PBK: variants seen among roughly 807,000 people sequenced by gnomAD.
PBK encodes PDZ binding kinase.
In PBK, 22 loss-of-function variants were observed where a neutral mutation model predicts 33.5. The observed-to-expected ratio is 0.66, with a 90% CI of 0.47 to 0.94. The LOEUF is 0.94. Among genes scored for constraint, PBK ranks in the 40% least tolerant of loss-of-function variants. PBK has a pLI of 0.00. For synonymous variants in PBK, 129 were observed against 123.8 expected, an observed-to-expected ratio of 1.04 and a Z score of -0.28; for missense variants, 376 against 383.4, an observed-to-expected ratio of 0.98 and a Z score of 0.16.
chr8:27,827,763 A>G (rs1585432455), intron 3 of PBK, among the ~76,000 whole-genome samples: 3 of 152,208 alleles, frequency 2.0e-5, no homozygotes, highest in East Asian at 1.9e-4. Context: ...ACATCACCCA[A>G]TACTGGCTTC....
chr8:27,815,988 C>CAAAG (rs1353530587), intron 6 of PBK, among the ~76,000 whole-genome samples: 1 of 152,136 alleles, frequency 6.6e-6, no homozygotes, highest in Non-Finnish European at 1.5e-5. Context: ...TTACTACATT[C>CAAAG]AAAGAGTTTA....
Position 27,824,722 on chromosome 8 carries a change from T to C in PBK, c.153-1517A>G, listed in dbSNP as rs116439748. Among the ~76,000 whole-genome samples, 1,441 of 152,244 alleles carry C rather than the reference T, an allele frequency of 9.5e-3. 26 individuals are homozygous for C. Among genetic ancestry groups the C allele is most frequent in the African/African-American group, 0.032 (1,345 of 41,552 alleles). On this transcript the variant is annotated intron_variant, in intron 3 of 7. Coordinates refer to ENST00000301905, the MANE Select transcript of PBK (RefSeq NM_018492.4). Reference sequence around the variant, plus strand: ...CTGTTTCCCCAGGGAACAGAAAAGGTACTATGAGTCTCATATAACTTTAAT... The same window carrying C: ...CTGTTTCCCCAGGGAACAGAAAAGGCACTATGAGTCTCATATAACTTTAAT...
intron 3 of PBK, among the ~76,000 whole-genome samples, chr8:27,827,788 C>T (rs1585432474): frequency 1.3e-5 from 2 of 152,308 alleles, no homozygotes; most frequent in African/African-American, 4.8e-5. Flanking sequence ...TTGAGGTTTT[C>T]TCATGAAGAA....
chr8:27,817,473 G>T (rs1364626827), intron 6 of PBK, among the ~76,000 whole-genome samples: 1 of 151,860 alleles, frequency 6.6e-6, no homozygotes, highest in African/African-American at 2.4e-5. Flanking sequence ...CAGATTTAAT[G>T]TGTTAGTATC....
intron 3 of PBK, among the ~76,000 whole-genome samples, chr8:27,824,520 CTT>C (rs1029965536): frequency 6.6e-6 from 1 of 152,126 alleles, no homozygotes; most frequent in Admixed American, 6.5e-5. Flanking sequence ...TAAATAAAAT[CTT>C]TATGCAATCA....
chr8:27,835,795 C>T (rs572409267), intron 1 of PBK, among the ~76,000 whole-genome samples: 6 of 152,302 alleles, frequency 3.9e-5, no homozygotes, highest in African/African-American at 9.6e-5. Context: ...GTGATCCACC[C>T]GCCTTGGCCT....
At position 27,810,946 on chromosome 8, in the gene PBK, TTG is replaced by T; in HGVS notation, c.772+10_772+11del. The T allele has an allele frequency of 6.8e-7, 1 of 1,470,740 alleles. No homozygotes were observed. The highest frequency in any genetic ancestry group is 9.5e-7 in the Non-Finnish European group (1 of 1,051,264). The allele number at this position is 1,470,740 out of a possible 1,614,324, so 91.1% of individuals were successfully genotyped here. A position where few individuals can be genotyped will look rare whatever the true frequency, so the allele number is the denominator to read the frequency against. On this transcript the variant is annotated intron_variant, in intron 7 of 7. Transcript: ENST00000301905. ...AAGAGATTGGGATTTATGTTAGAAA[TTG>T]TATTCATACCTTCATCATCATCATC...
At chr8:27,814,447 A>T (rs1805771894) in intron 6 of PBK, among the ~76,000 whole-genome samples, 1 of 152,004 alleles carries the variant, frequency 6.6e-6, no homozygotes, top group African/African-American at 2.4e-5. Context: ...AAAGCTTTAT[A>T]TATTTCATTA....
intron 2 of PBK, among the ~76,000 whole-genome samples, chr8:27,828,450 T>A (rs10100206): frequency 6.6e-6 from 1 of 152,034 alleles, no homozygotes; most frequent in Non-Finnish European, 1.5e-5. Flanking sequence ...AGAACTGTTT[T>A]CACATTTTTA....
intron 1 of PBK, among the ~76,000 whole-genome samples, chr8:27,834,616 G>A (rs548821965): frequency 7.2e-5 from 11 of 152,142 alleles, no homozygotes; most frequent in South Asian, 2.1e-4. Context: ...AAATGAGGCC[G>A]GGTATGGTGG....
intron 6 of PBK, among the ~76,000 whole-genome samples, chr8:27,813,114 T>C (rs1478193355): frequency 6.6e-6 from 1 of 152,208 alleles, no homozygotes; most frequent in South Asian, 2.1e-4. Flanking sequence ...GTGGCACATA[T>C]ACACCATGGA....
chr8:27,813,941 TAGC>T (rs1285229327), intron 6 of PBK, among the ~76,000 whole-genome samples: 2 of 151,806 alleles, frequency 1.3e-5, no homozygotes, highest in African/African-American at 4.9e-5. Flanking sequence ...TCTGTGTACA[TAGC>T]AGGTGTACAT....
chr8:27,832,919 T>A (rs1169408419), intron 2 of PBK, 137 bp downstream of exon 2: 1 of 582,560 alleles, frequency 1.7e-6, no homozygotes, highest in African/African-American at 1.9e-5. Context: ...TCTTATTTGT[T>A]AAGATTAACA....
intron 5 of PBK, 111 bp downstream of exon 5, chr8:27,822,208 T>C (rs1805942020): frequency 1.3e-6 from 1 of 798,942 alleles, no homozygotes; most frequent in Non-Finnish European, 2.0e-6. Flanking sequence ...TTTTTGGAAC[T>C]GACAAGTAAC....
intron 7 of PBK, 58 bp downstream of exon 7, chr8:27,810,900 T>C (rs1805664722): frequency 1.8e-6 from 2 of 1,121,808 alleles, no homozygotes. Context: ...GATAAAATTA[T>C]ATAATCTTTA....
chr8:27,811,141 C>G lies in PBK; in HGVS notation c.596-7G>C. On this transcript the variant is annotated splice_region_variant and splice_polypyrimidine_tract_variant and intron_variant, in intron 6 of 7. Transcript: ENST00000301905. The stretch of plus-strand genomic sequence containing the variant: ...CAAGCCTCAGGGTCAGTCACTGAAA[C>G]AAGCAAGATGGTTATGAAGGCAGGA... 1 of 1,613,580 alleles carries G rather than the reference C, an allele frequency of 6.2e-7. No homozygotes were observed. Among genetic ancestry groups the G allele is most frequent in the Non-Finnish European group, 8.5e-7 (1 of 1,179,702 alleles).
chr8:27,824,436 C>G (rs1805989195), intron 3 of PBK, among the ~76,000 whole-genome samples: 1 of 151,246 alleles, frequency 6.6e-6, no homozygotes, highest in Non-Finnish European at 1.5e-5. Context: ...TGAGATTACA[C>G]AAGAAAAAAT....
chr8:27,822,589 T>C, intron 4 of PBK, 101 bp from the exon 5 acceptor site: 1 of 700,194 alleles, frequency 1.4e-6, no homozygotes, highest in Non-Finnish European at 2.3e-6. Flanking sequence ...GGACTAACGC[T>C]GACAAATATA....
chr8:27,828,257 C>T (rs1806064949), intron 2 of PBK, 59 bp from the exon 3 acceptor site: 2 of 776,842 alleles, frequency 2.6e-6, no homozygotes, highest in South Asian at 3.5e-5. Context: ...AGCATCTTAA[C>T]ATTCTCAATA....
Sources: allele counts gnomAD v4.1 joint callset (sites outside exome capture counted in the v4.1 genomes callset), GRCh38; gene constraint gnomAD v4.1.1; transcripts MANE v1.5; gene names NCBI Gene and HGNC (gene_info 2026-07-23, HGNC 2026-07-21).